SUPT3H: variants seen among roughly 807,000 people sequenced by gnomAD.
SUPT3H encodes the protein SPT3 homolog, SAGA and STAGA complex component.
In SUPT3H, 44 loss-of-function variants were observed where a neutral mutation model predicts 44.3. That is an observed-to-expected ratio of 0.99 (90% CI 0.78 to 1.28). SUPT3H has a LOEUF of 1.28. SUPT3H is among the 50% of genes most tolerant of loss of function. SUPT3H has a pLI of 0.00. For synonymous variants in SUPT3H, 124 were observed against 125.6 expected, an observed-to-expected ratio of 0.99 and a Z score of 0.09; for missense variants, 380 against 387.1, an observed-to-expected ratio of 0.98 and a Z score of 0.15.
intron 2 of SUPT3H, among the ~76,000 whole-genome samples, chr6:45,338,410 C>T (rs1464126295): frequency 6.6e-6 from 1 of 151,616 alleles, no homozygotes; most frequent in Non-Finnish European, 1.5e-5. Context: ...TACAATAAAA[C>T]TGGTATCATT....
intron 2 of SUPT3H, among the ~76,000 whole-genome samples, chr6:45,109,949 G>C (rs949714192): frequency 6.6e-6 from 1 of 152,012 alleles, no homozygotes. Flanking sequence ...ATACTGTCTT[G>C]ATGCCTGTGA....
intron 2 of SUPT3H, among the ~76,000 whole-genome samples, chr6:45,305,920 A>G (rs1387036634): frequency 6.6e-6 from 1 of 152,204 alleles, no homozygotes; most frequent in Non-Finnish European, 1.5e-5. Flanking sequence ...TTGTACTCCA[A>G]GTACCAAACC....
At chr6:45,371,974 G>A in intron 1 of SUPT3H, 1 of 836,538 alleles carries the variant, frequency 1.2e-6, no homozygotes, top group Non-Finnish European at 1.4e-6. Context: ...TAAAACTGAG[G>A]TCCCCCGACA....
intron 6 of SUPT3H, among the ~76,000 whole-genome samples, chr6:44,962,043 G>C (rs1196286203): frequency 7.2e-5 from 11 of 151,990 alleles, no homozygotes. Context: ...ATTACTTTCT[G>C]CTCCTTTGTT....
intron 2 of SUPT3H, among the ~76,000 whole-genome samples, chr6:45,165,233 G>T (rs1809650579): frequency 6.6e-6 from 1 of 152,098 alleles, no homozygotes; most frequent in Admixed American, 6.6e-5. Flanking sequence ...AAAACCACCA[G>T]TACCAGAGAG....
At chr6:45,054,123 A>T (rs916160377) in intron 3 of SUPT3H, among the ~76,000 whole-genome samples, 7 of 151,958 alleles carry the variant, frequency 4.6e-5, no homozygotes, top group African/African-American at 1.7e-4. Context: ...ATGCCTTTCT[A>T]TTGTTAATCT....
downstream of SUPT3H, among the ~76,000 whole-genome samples, chr6:44,826,649 G>T (rs1175081833): frequency 6.6e-6 from 1 of 152,164 alleles, no homozygotes; most frequent in Non-Finnish European, 1.5e-5. Flanking sequence ...GAACTGGAAA[G>T]CATTGCCTGA....
intron 10 of SUPT3H, among the ~76,000 whole-genome samples, chr6:44,850,745 C>CTATCTATCT (rs1772733791): frequency 8.1e-5 from 12 of 147,438 alleles, no homozygotes; most frequent in African/African-American, 3.0e-4. Context: ...GTTTTATATA[C>CTATCTATCT]ATCTATCTAT....
chr6:44,899,655 C>T (rs762913037), intron 10 of SUPT3H, among the ~76,000 whole-genome samples: 1 of 151,972 alleles, frequency 6.6e-6, no homozygotes, highest in Admixed American at 6.6e-5. Context: ...CCACTGCGCT[C>T]CAACCTGGGC....
intron 1 of SUPT3H, among the ~76,000 whole-genome samples, chr6:45,367,614 G>A (rs898800805): frequency 6.6e-6 from 1 of 152,156 alleles, no homozygotes; most frequent in African/African-American, 2.4e-5. Context: ...AAGGCTGACA[G>A]AGCTATCTTC....
chr6:45,257,724 C>G (rs1206989679), intron 2 of SUPT3H, among the ~76,000 whole-genome samples: 1 of 152,080 alleles, frequency 6.6e-6, no homozygotes, highest in Non-Finnish European at 1.5e-5. Flanking sequence ...CAAGAGGGAG[C>G]CAAACTCACC....
At chr6:44,994,148 G>C (rs1780964294) in intron 6 of SUPT3H, among the ~76,000 whole-genome samples, 1 of 151,888 alleles carries the variant, frequency 6.6e-6, no homozygotes, top group Non-Finnish European at 1.5e-5. Flanking sequence ...ACTTACTTTT[G>C]ATTGGTCAGT....
rs550420761 is a variant in SUPT3H, at chr6:45,142,949, TA to T, written c.102-36944del. Reference sequence around the variant, plus strand: ...AAACAGATTTTAAAGCAACGACAATTAAAAAAAAAGACAAAGAGGGACATTA... The same window carrying T: ...AAACAGATTTTAAAGCAACGACAATTAAAAAAAAGACAAAGAGGGACATTA... On this transcript the variant is annotated intron_variant, in intron 2 of 10. Transcript: ENST00000371459. Among the ~76,000 whole-genome samples, 795 of 149,042 alleles carry T rather than the reference TA, an allele frequency of 5.3e-3. 8 individuals carry two copies. Among genetic ancestry groups the T allele is most frequent in the African/African-American group, 0.018 (737 of 40,584 alleles).
intron 10 of SUPT3H, among the ~76,000 whole-genome samples, chr6:44,862,479 C>T (rs1475832820): frequency 6.6e-6 from 1 of 151,774 alleles, no homozygotes; most frequent in Non-Finnish European, 1.5e-5. Context: ...GAGTTTGAGA[C>T]CAGCCTGGCC....
At chr6:45,045,734 A>G (rs907073068) in intron 3 of SUPT3H, among the ~76,000 whole-genome samples, 2 of 152,144 alleles carry the variant, frequency 1.3e-5, no homozygotes, top group African/African-American at 4.8e-5. Context: ...GTGTCTATAC[A>G]AGTTTTTTTA....
Position 45,225,385 on chromosome 6 carries a change from A to C in SUPT3H, c.102-119379T>G, listed in dbSNP as rs144055530. ...AAAGAACATTTAGGCAAATACAGCT[A>C]CTTCATTTAATCGACATTTTGTGAA... On this transcript the variant is annotated intron_variant, in intron 2 of 10. Coordinates refer to ENST00000371459, the MANE Select transcript of SUPT3H (RefSeq NM_003599.4). Among the ~76,000 whole-genome samples the C allele has an allele frequency of 3.9e-4, 60 of 152,264 alleles. No individual in the cohort carries two copies. The East Asian group carries it at 9.6e-3, about 24-fold the overall frequency.
intron 2 of SUPT3H, among the ~76,000 whole-genome samples, chr6:45,355,796 G>A (rs572513130): frequency 5.8e-4 from 89 of 152,220 alleles, no homozygotes; most frequent in African/African-American, 2.1e-3. Context: ...ACTTAGAAAT[G>A]GGTTGTATTC....
intron 9 of SUPT3H, among the ~76,000 whole-genome samples, chr6:44,944,705 T>G (rs1222207673): frequency 1.5e-5 from 2 of 129,650 alleles, no homozygotes; most frequent in Admixed American, 2.1e-4. Flanking sequence ...CAGGCTGCAG[T>G]GAGCTATGAT....
In SUPT3H at chr6:45,105,871, A is replaced by C; in HGVS notation, c.186+51T>G. The C allele has an allele frequency of 2.9e-6, 4 of 1,398,306 alleles. No individual in the cohort carries two copies. The South Asian group carries it at 4.8e-5, about 17-fold the overall frequency. 86.6% of individuals were successfully genotyped at this position (1,398,306 alleles called of 1,614,324 possible). ...TTTTAAAGTGTTGGGTTACCATCCT[A>C]ATAAAAGAATGCAGAGAAGAGAAAC... On this transcript the variant is annotated intron_variant, in intron 3 of 10. Transcript: ENST00000371459.
Sources: gnomAD v4.1 joint callset for allele counts (sites outside exome capture counted in the v4.1 genomes callset) on GRCh38, gnomAD v4.1.1 for gene constraint, MANE v1.5 for transcripts, NCBI Gene and HGNC (gene_info 2026-07-23, HGNC 2026-07-21) for gene names.